The following UBQLN4 variants were observed in gnomAD, a reference collection of about 807,000 sequenced individuals.
UBQLN4 encodes ubiquilin-4.
Under a neutral mutation model 60.4 loss-of-function variants are expected in UBQLN4, and 11 were observed. The observed-to-expected ratio is 0.18, with a 90% CI of 0.11 to 0.30. The LOEUF is 0.30. Ranked by LOEUF, UBQLN4 falls within the 10% of genes least tolerant of loss-of-function variation. The pLI is 1.00. For missense variants in UBQLN4, 417 were observed against 795.5 expected, an observed-to-expected ratio of 0.52 and a Z score of 5.72; for synonymous variants, 258 against 313.1, an observed-to-expected ratio of 0.82 and a Z score of 1.86.
At chr1:156,037,455 TGTG>T (rs1382974066) in intron 10 of UBQLN4, among the ~76,000 whole-genome samples, 1 of 151,634 alleles carries the variant, frequency 6.6e-6, no homozygotes, top group Non-Finnish European at 1.5e-5. Context: ...ATTCGCTGGG[TGTG>T]GTGGTGGGCG....
chr1:156,032,255 G>T (rs7515942), downstream of UBQLN4, among the ~76,000 whole-genome samples: 1 of 151,832 alleles, frequency 6.6e-6, no homozygotes, highest in African/African-American at 2.4e-5. Context: ...CCTTGCCTTG[G>T]CCTCCCAAAG....
rs565178741 is a variant in UBQLN4 at position 156,053,681 on chromosome 1, G to C, written c.21C>G (p.Ala7=). 253 of 1,307,666 alleles carry C rather than the reference G, an allele frequency of 1.9e-4. No homozygotes were observed. The highest frequency in any genetic ancestry group is 4.5e-4 in the Admixed American group (13 of 28,688). The allele number at this position is 1,307,666 out of a possible 1,614,324, so 81.0% of individuals were successfully genotyped here. ...TGACCCGAATGGGGGGCCTCGTCTC[G>C]GCCCCGCTCGGCTCCGCCATGCCGC... is the stretch of plus-strand genomic sequence containing the variant. MAEPSG[A]ETRPPIRVTV... is the part of the protein sequence containing the mutation. The change falls in exon 1 of 11, where the codon GCC becomes GCG. Residue 7 remains alanine (A), a synonymous_variant. Coordinates refer to ENST00000368309, the MANE Select transcript of UBQLN4 (RefSeq NM_020131.5).
downstream of UBQLN4, among the ~76,000 whole-genome samples, chr1:156,034,330 T>C (rs1172163252): frequency 2.8e-5 from 4 of 143,072 alleles, no homozygotes; most frequent in African/African-American, 5.2e-5. Context: ...GGAGTCTTGC[T>C]CTGTCGCCCC....
chr1:156,049,335 C>G (rs1683799588), intron 4 of UBQLN4, among the ~76,000 whole-genome samples: 1 of 152,152 alleles, frequency 6.6e-6, no homozygotes, highest in Non-Finnish European at 1.5e-5. Flanking sequence ...ATTCCCACCC[C>G]CAAGTCTTTG....
In UBQLN4 at chr1:156,048,159, C is replaced by T. The variant is rs981178467; in HGVS notation, c.900+342G>A. Among the ~76,000 whole-genome samples the T allele has an allele frequency of 2.0e-5, 3 of 152,096 alleles. No homozygotes were observed. Among genetic ancestry groups the T allele is most frequent in the Admixed American group, 6.6e-5 (1 of 15,254 alleles). On this transcript the variant is annotated intron_variant, in intron 5 of 10. Coordinates refer to ENST00000368309, the MANE Select transcript of UBQLN4 (RefSeq NM_020131.5). The surrounding 1 kb of genome is among the most constrained non-coding windows in gnomAD (Gnocchi z 4.9). ...ACAAGGTCCCCAGGTGATTCTGATG[C>T]AGGTGATCCATGGACCATACTTGAG...
chr1:156,051,159 G>C lies in UBQLN4; in HGVS notation c.429C>G (p.Pro143=). 1 of 1,612,184 alleles carries C rather than the reference G, an allele frequency of 6.2e-7. No individual in the cohort carries two copies. The highest frequency in any genetic ancestry group is 8.5e-7 in the Non-Finnish European group (1 of 1,179,114). The change falls in exon 3 of 11, where the codon CCC becomes CCG. Residue 143 remains proline (P), a synonymous_variant. Transcript: ENST00000368309. ...GGGATCCCTCCCCAGCCCCCGGAGA[G>C]GGCCCCCCACCACTGCTCCTCCGGC... ...SGSRRSSGGG[P]SPGAGEGSPS... is the part of the protein sequence containing the mutation.
At chr1:156,035,196 C>T (rs1683371412), downstream of UBQLN4, 1 of 943,666 alleles carries the variant, frequency 1.1e-6, no homozygotes, top group African/African-American at 1.8e-5. Context: ...TCTGTAGTAA[C>T]TGAACCAAAC....
chr1:156,048,845 G>A lies in UBQLN4; in HGVS notation c.742-186C>T, dbSNP rs574015585. 5.3e-5 allele frequency among the ~76,000 whole-genome samples: 8 copies of A among 152,282 alleles called. No homozygotes were observed. The highest frequency in any genetic ancestry group is 2.1e-4 in the South Asian group (1 of 4,824). On this transcript the variant is annotated intron_variant, in intron 4 of 10. Coordinates refer to ENST00000368309, the MANE Select transcript of UBQLN4 (RefSeq NM_020131.5). The surrounding 1 kb of genome is among the most constrained non-coding windows in gnomAD (Gnocchi z 4.9). ...CTACTGTAATCTTGGCTCCAAGCCC[G>A]CCTCCCTGTGGGTATTTTGGTTGGC...
downstream of UBQLN4, among the ~76,000 whole-genome samples, chr1:156,031,555 G>A (rs7513082): frequency 0.096 from 14,402 of 149,954 alleles, 769 homozygotes; most frequent in Middle Eastern, 0.21. Flanking sequence ...GCTCTTAAAC[G>A]CACTTGGTAT....
rs1683382613 is a variant in UBQLN4, at chr1:156,035,770, A to AG, written c.*1207dup. On this transcript the variant is annotated 3_prime_UTR_variant, in exon 11 of 11. Transcript: ENST00000368309. The stretch of plus-strand genomic sequence containing the variant: ...GGGTTACCCAGCATCCAGAGCCCCA[A>AG]GGGACCTAGCTCTCCCGGATATATA... The AG allele has an allele frequency of 1.0e-6, 1 of 985,448 alleles. No individual in the cohort carries two copies. Among genetic ancestry groups the AG allele is most frequent in the South Asian group, 4.7e-5 (1 of 21,282 alleles). The allele number at this position is 985,448 out of a possible 1,614,324, so 61.0% of individuals were successfully genotyped here.
intron 1 of UBQLN4, among the ~76,000 whole-genome samples, 160 bp downstream of exon 1, chr1:156,053,434 G>A (rs1004864326): frequency 6.9e-6 from 1 of 144,322 alleles, no homozygotes; most frequent in Non-Finnish European, 1.5e-5. Context: ...CTCGCAGGGC[G>A]CCCCCTACCC....
downstream of UBQLN4, among the ~76,000 whole-genome samples, chr1:156,034,660 C>A (rs935593457): frequency 6.6e-6 from 1 of 150,696 alleles, no homozygotes; most frequent in Non-Finnish European, 1.5e-5. Context: ...AGGATGGAGG[C>A]AATAATCTTA....
downstream of UBQLN4, among the ~76,000 whole-genome samples, chr1:156,034,825 C>CTATATATATATATTATA (rs1553255404): frequency 1.3e-4 from 6 of 46,384 alleles, no homozygotes; most frequent in African/African-American, 5.2e-4. Flanking sequence ...CCTTAACCTT[C>CTATATATATATATTATA]TATATATATA....
rs1353756178 is a variant in UBQLN4, at chr1:156,048,865, G to C, written c.742-206C>G. Among the ~76,000 whole-genome samples the C allele has an allele frequency of 6.6e-6, 1 of 152,194 alleles. No individual in the cohort carries two copies. Among genetic ancestry groups the C allele is most frequent in the Non-Finnish European group, 1.5e-5 (1 of 68,044 alleles). On this transcript the variant is annotated intron_variant, in intron 4 of 10. Coordinates refer to ENST00000368309, the MANE Select transcript of UBQLN4 (RefSeq NM_020131.5). The surrounding 1 kb of genome is among the most constrained non-coding windows in gnomAD (Gnocchi z 4.9). ...AGCCCGCCTCCCTGTGGGTATTTTG[G>C]TTGGCTTTTTCTAGTGGAGGACAAT...
chr1:156,053,557 C>T (rs1437018451), intron 1 of UBQLN4, 37 bp downstream of exon 1: 4 of 1,170,544 alleles, frequency 3.4e-6, no homozygotes, highest in Non-Finnish European at 4.4e-6. Flanking sequence ...GCAGACCCCT[C>T]CTCCGCGCTC....
intron 10 of UBQLN4, among the ~76,000 whole-genome samples, chr1:156,040,409 T>C (rs1208598579): frequency 1.3e-5 from 2 of 149,538 alleles, no homozygotes; most frequent in Non-Finnish European, 3.0e-5. Flanking sequence ...CCCTTTCCAG[T>C]GCTCCTTGTT....
In UBQLN4 at chr1:156,048,560, C is replaced by T; in HGVS notation, c.841G>A (p.Ala281Thr). The change falls in exon 5 of 11, where the codon GCC (alanine) becomes ACC (threonine). Residue 281 changes from alanine to threonine, a missense_variant. Transcript: ENST00000368309. The surrounding 1 kb of genome is among the most constrained non-coding windows in gnomAD (Gnocchi z 4.9). ...NLESIPGGYN[A>T]LRRMYTDIQE... is the part of the protein sequence containing the mutation. ...ATGTCCGTGTACATGCGGCGGAGGG[C>T]ATTATACCCTCCAGGGATGCTCTCA... The T allele has an allele frequency of 1.2e-6, 2 of 1,613,966 alleles. No individual in the cohort carries two copies. The highest frequency in any genetic ancestry group is 1.7e-6 in the Non-Finnish European group (2 of 1,179,848).
At chr1:156,047,215 CT>C (rs1370240765) in intron 5 of UBQLN4, among the ~76,000 whole-genome samples, 1 of 151,308 alleles carries the variant, frequency 6.6e-6, no homozygotes, top group African/African-American at 2.4e-5. Context: ...TTGGAATACC[CT>C]TTTGTTTACT....
At chr1:156,034,866 T>TATATATATATAA (rs1683362785), downstream of UBQLN4, among the ~76,000 whole-genome samples, 1 of 105,838 alleles carries the variant, frequency 9.4e-6, no homozygotes, top group Non-Finnish European at 2.0e-5. Flanking sequence ...TATATATATA[T>TATATATATATAA]ATATAATTTT....
Sources: allele counts gnomAD v4.1 joint callset (sites outside exome capture counted in the v4.1 genomes callset), GRCh38; gene constraint gnomAD v4.1.1; non-coding constraint Gnocchi (gnomAD v3.1); transcripts MANE v1.5; gene names NCBI Gene and HGNC (gene_info 2026-07-23, HGNC 2026-07-21).